Variants in PCDH17 observed in about 807,000 individuals in gnomAD.
PCDH17 encodes the protein protocadherin 17, also known as protocadherin-17.
In PCDH17, 21 loss-of-function variants were observed where a neutral mutation model predicts 67.7. The observed-to-expected ratio is 0.31, with a 90% confidence interval of 0.22 to 0.45. The LOEUF is 0.45. Ranked by LOEUF, PCDH17 falls within the 20% of genes least tolerant of loss-of-function variation. PCDH17 has a pLI of 1.00. For missense variants in PCDH17, 1,471 were observed against 1,564.8 expected, an observed-to-expected ratio of 0.94 and a Z score of 1.01; for synonymous variants, 701 against 656.7, an observed-to-expected ratio of 1.07 and a Z score of -1.03.
intron 1 of PCDH17, among the ~76,000 whole-genome samples, chr13:57,660,065 T>G (rs779062695): frequency 3.9e-5 from 6 of 151,996 alleles, no homozygotes; most frequent in Non-Finnish European, 7.4e-5. Flanking sequence ...CAAAACCCCG[T>G]CTATACTAAA....
intron 1 of PCDH17, among the ~76,000 whole-genome samples, chr13:57,661,583 C>T (rs759090527): frequency 7.9e-5 from 12 of 151,732 alleles, no homozygotes; most frequent in Non-Finnish European, 1.3e-4. Context: ...TTTAGTTTTA[C>T]GATTTACATT....
At chr13:57,639,835 A>C (rs932910855) in intron 1 of PCDH17, among the ~76,000 whole-genome samples, 4 of 151,970 alleles carry the variant, frequency 2.6e-5, no homozygotes, top group African/African-American at 9.7e-5. Context: ...TATGCCCTAA[A>C]ATTGTTACCT....
At chr13:57,718,502 G>A (rs1389351399) in intron 3 of PCDH17, among the ~76,000 whole-genome samples, 1 of 151,936 alleles carries the variant, frequency 6.6e-6, no homozygotes, top group East Asian at 1.9e-4. Context: ...TAATGTTTAT[G>A]AATATAGATT....
At position 57,632,502 on chromosome 13, in the gene PCDH17, GCTC is replaced by G. The variant is rs764981456; in HGVS notation, c.-40_-38del. 562 of 1,572,734 alleles carry G rather than the reference GCTC, an allele frequency of 3.6e-4. 3 individuals are homozygous for G. The highest frequency in any genetic ancestry group is 3.2e-4 in the Non-Finnish European group (372 of 1,159,198). On this transcript the variant is annotated 5_prime_UTR_variant, in exon 1 of 4. Transcript: ENST00000377918. ...CAGGCTGGCGCGCACTCCCTCTCTG[GCTC>G]CTCCAGTCCGATTGCTCCTGCCCCC...
chr13:57,660,691 C>G (rs920537770), intron 1 of PCDH17, among the ~76,000 whole-genome samples: 14 of 152,172 alleles, frequency 9.2e-5, no homozygotes, highest in Non-Finnish European at 1.9e-4. Flanking sequence ...CATACTTTCC[C>G]TCACCTTTCA....
intron 3 of PCDH17, among the ~76,000 whole-genome samples, chr13:57,712,661 A>G (rs976216064): frequency 2.0e-5 from 3 of 151,570 alleles, no homozygotes; most frequent in Non-Finnish European, 4.4e-5. Flanking sequence ...CAAAAAAATC[A>G]CTTATTTCTA....
At chr13:57,701,487 C>T (rs1257355221) in intron 3 of PCDH17, among the ~76,000 whole-genome samples, 1 of 151,980 alleles carries the variant, frequency 6.6e-6, no homozygotes, top group Non-Finnish European at 1.5e-5. Flanking sequence ...TGTGGGCCTT[C>T]CAACAACTGC....
At chr13:57,696,433 G>C (rs1454664810) in intron 3 of PCDH17, among the ~76,000 whole-genome samples, 2 of 151,120 alleles carry the variant, frequency 1.3e-5, no homozygotes, top group Admixed American at 6.6e-5. Context: ...TAAATGTGTA[G>C]AGAAATATAA....
At chr13:57,712,440 T>G (rs1955785015) in intron 3 of PCDH17, among the ~76,000 whole-genome samples, 1 of 151,728 alleles carries the variant, frequency 6.6e-6, no homozygotes, top group African/African-American at 2.4e-5. Flanking sequence ...TTCCTAAGCA[T>G]TATAAAGAAA....
intron 1 of PCDH17, among the ~76,000 whole-genome samples, chr13:57,643,669 A>C (rs1954930816): frequency 6.6e-6 from 1 of 151,682 alleles, no homozygotes; most frequent in Non-Finnish European, 1.5e-5. Context: ...CAAAAAAGAT[A>C]AATCACTAGT....
chr13:57,677,562 T>C (rs1428392073), intron 3 of PCDH17, among the ~76,000 whole-genome samples: 1 of 151,810 alleles, frequency 6.6e-6, no homozygotes, highest in Non-Finnish European at 1.5e-5. Context: ...ACAGAAGAGT[T>C]ATCAGTAAGA....
chr13:57,642,315 G>A (rs1395990609), intron 1 of PCDH17, among the ~76,000 whole-genome samples: 2 of 151,624 alleles, frequency 1.3e-5, no homozygotes, highest in African/African-American at 4.8e-5. Flanking sequence ...GAAAGCTAGA[G>A]CATGAAAATC....
At chr13:57,660,340 T>C (rs1404435940) in intron 1 of PCDH17, among the ~76,000 whole-genome samples, 1 of 152,212 alleles carries the variant, frequency 6.6e-6, no homozygotes, top group Admixed American at 6.5e-5. Context: ...ATTTGTATTC[T>C]GTCCAAATAA....
intron 3 of PCDH17, among the ~76,000 whole-genome samples, chr13:57,687,974 TG>T (rs1475680779): frequency 6.6e-6 from 1 of 152,020 alleles, no homozygotes; most frequent in African/African-American, 2.4e-5. Context: ...AGATAAACTG[TG>T]TAGAGAGAGA....
intron 3 of PCDH17, among the ~76,000 whole-genome samples, chr13:57,716,547 T>A (rs888516027): frequency 6.6e-6 from 1 of 151,884 alleles, no homozygotes; most frequent in Non-Finnish European, 1.5e-5. Flanking sequence ...GAATCACAGA[T>A]CAAGCACCAC....
At chr13:57,709,857 A>G (rs1955759282) in intron 3 of PCDH17, 1 of 152,098 alleles carries the variant, frequency 6.6e-6, no homozygotes, top group South Asian at 2.1e-4. Context: ...GAACATGTGG[A>G]CTTTATTTCT....
intron 1 of PCDH17, among the ~76,000 whole-genome samples, chr13:57,644,910 C>A (rs1464830420): frequency 2.0e-5 from 3 of 151,514 alleles, no homozygotes; most frequent in Non-Finnish European, 3.0e-5. Context: ...TGAGAAAGCA[C>A]GACTTAGCCT....
rs1027222760 is a variant in PCDH17, at chr13:57,693,193, C to T, written c.2797+26360C>T. ...TGCTCATTGAAATAGTAAAGGTGAA[C>T]ACCTGAATGCAGACCAACATCTTTT... On this transcript the variant is annotated intron_variant, in intron 3 of 3. Transcript: ENST00000377918. Among the ~76,000 whole-genome samples the T allele has an allele frequency of 4.5e-5, 5 of 110,810 alleles. No homozygotes were observed. The South Asian group carries it at 1.7e-3, about 38-fold the overall frequency. The allele number at this position is 110,810 out of a possible 152,430, so 72.7% of individuals were successfully genotyped here.
intron 1 of PCDH17, among the ~76,000 whole-genome samples, chr13:57,644,972 A>G (rs996047399): frequency 6.6e-6 from 1 of 151,700 alleles, no homozygotes; most frequent in Non-Finnish European, 1.5e-5. Context: ...AGTAGTAGCC[A>G]TGGAAGTGAT....
Sources: allele counts gnomAD v4.1 joint callset (sites outside exome capture counted in the v4.1 genomes callset), GRCh38; gene constraint gnomAD v4.1.1; transcripts MANE v1.5; gene names NCBI Gene and HGNC (gene_info 2026-07-23, HGNC 2026-07-21).